The following CSF2RA variants were observed in gnomAD, a reference collection of about 807,000 sequenced individuals.
CSF2RA encodes granulocyte-macrophage colony-stimulating factor receptor subunit alpha.
CSF2RA carries 42 observed loss-of-function variants against 51.6 expected under a neutral mutation model. The observed-to-expected ratio is 0.81, with a 90% CI of 0.64 to 1.05. The LOEUF (loss-of-function observed/expected upper bound fraction) is 1.05. CSF2RA is among the 50% of genes least tolerant of loss of function. The pLI is 0.00. For missense variants in CSF2RA, 530 were observed against 501.1 expected, an observed-to-expected ratio of 1.06 and a Z score of -0.55; for synonymous variants, 222 against 193.0, an observed-to-expected ratio of 1.15 and a Z score of -1.24.
chrX:1,269,543 A>G (rs1445464814), intron 1 of CSF2RA, among the ~76,000 whole-genome samples: 1 of 151,938 alleles, frequency 6.6e-6, no homozygotes, highest in East Asian at 1.9e-4. Flanking sequence ...GAATCGTTTG[A>G]ACCCGGGAGG....
At chrX:1,273,737 C>T (rs1198728120) in intron 1 of CSF2RA, among the ~76,000 whole-genome samples, 21 of 144,078 alleles carry the variant, frequency 1.5e-4, no homozygotes, top group African/African-American at 4.6e-4. Flanking sequence ...CCCGCCACCA[C>T]GCCCAGCTAA....
intron 7 of CSF2RA, among the ~76,000 whole-genome samples, chrX:1,293,470 C>T (rs1443685528): frequency 1.3e-5 from 2 of 151,948 alleles, no homozygotes; most frequent in East Asian, 1.9e-4. Context: ...CCTCCCGCCT[C>T]GGCCTCCCAA....
chrX:1,288,415 G>A lies in CSF2RA; in HGVS notation c.220-104G>A. ...GAGAATTGCTTGAACCTGGAAGGCG[G>A]AGGTTGTAGTGAGCCGAGATCACGC... On this transcript the variant is annotated intron_variant, in intron 4 of 12. Coordinates refer to ENST00000381529, the MANE Select transcript of CSF2RA (RefSeq NM_172245.4). The A allele has an allele frequency of 4.7e-6, 6 of 1,274,208 alleles. 1 individual carries two copies. The highest frequency in any genetic ancestry group is 6.9e-6 in the Non-Finnish European group (6 of 871,728). The allele number at this position is 1,274,208 out of a possible 1,614,324, so 78.9% of individuals were successfully genotyped here. A position where few individuals can be genotyped will look rare whatever the true frequency, so the allele number is the denominator to read the frequency against.
chrX:1,278,676 A>T (rs1400762849), intron 2 of CSF2RA, among the ~76,000 whole-genome samples: 1 of 141,080 alleles, frequency 7.1e-6, no homozygotes, highest in East Asian at 2.1e-4. Flanking sequence ...ACAGAATGAG[A>T]CTCAGTCTAA....
At chrX:1,317,806 T>G in the CSF2RA span, among the ~76,000 whole-genome samples, 1 of 151,724 alleles carries the variant, frequency 6.6e-6, no homozygotes, top group East Asian at 1.9e-4. Context: ...AAAAGAGGAA[T>G]TCTATTGAGG....
chrX:1,287,437 C>A lies in CSF2RA; in HGVS notation c.220-1082C>A, dbSNP rs770167744. Among the ~76,000 whole-genome samples, 359 of 150,178 alleles carry A rather than the reference C, an allele frequency of 2.4e-3. 2 individuals are homozygous for A. The highest frequency in any genetic ancestry group is 4.5e-3 in the Non-Finnish European group (307 of 67,626). On this transcript the variant is annotated intron_variant, in intron 4 of 12. Transcript: ENST00000381529. The stretch of plus-strand genomic sequence containing the variant: ...AAAGTGCTGGCATTACAGGTGTGAG[C>A]CACCGTGTCCGACCTTTATTTTTTG...
chrX:1,323,110 C>G, the CSF2RA span, among the ~76,000 whole-genome samples: 1 of 128,604 alleles, frequency 7.8e-6, no homozygotes, highest in Non-Finnish European at 1.7e-5. Context: ...GCCTGAGCGA[C>G]AGAGCGAGAT....
At chrX:1,288,915 T>C (rs774950238) in intron 6 of CSF2RA, 27 bp downstream of exon 6, 1 of 1,613,510 alleles carries the variant, frequency 6.2e-7, no homozygotes, top group Non-Finnish European at 8.5e-7. Context: ...TGTGAAGAAT[T>C]ATGAGGAATG....
chrX:1,313,981 A>G (rs1486841307), downstream of CSF2RA, among the ~76,000 whole-genome samples: 1 of 152,098 alleles, frequency 6.6e-6, no homozygotes, highest in African/African-American at 2.4e-5. Context: ...ACAGGGCGAG[A>G]TTCTGTCTCA....
intron 7 of CSF2RA, among the ~76,000 whole-genome samples, chrX:1,292,829 C>T (rs757507014): frequency 3.3e-4 from 50 of 152,192 alleles, no homozygotes; most frequent in Non-Finnish European, 6.2e-4. Context: ...ACTTCCTCCT[C>T]GGCACAGACC....
At chrX:1,279,715 C>G (rs1477712719) in intron 2 of CSF2RA, among the ~76,000 whole-genome samples, 1 of 151,958 alleles carries the variant, frequency 6.6e-6, no homozygotes, top group Non-Finnish European at 1.5e-5. Context: ...GGCCTACATG[C>G]TTTTACTTCC....
chrX:1,282,617 C>G, intron 2 of CSF2RA, 61 bp from the exon 3 acceptor site: 1 of 1,238,522 alleles, frequency 8.1e-7, no homozygotes, highest in South Asian at 1.2e-5. Context: ...CCTGGGGTCC[C>G]CTGCCAGGAA....
chrX:1,313,760 G>C (rs1368134157), downstream of CSF2RA, among the ~76,000 whole-genome samples: 42 of 151,646 alleles, frequency 2.8e-4, no homozygotes, highest in African/African-American at 9.9e-4. Context: ...AGGCCGAGGT[G>C]GGCAGATCAC....
intron 9 of CSF2RA, among the ~76,000 whole-genome samples, chrX:1,295,788 G>C (rs776377388): frequency 6.7e-6 from 1 of 149,922 alleles, no homozygotes; most frequent in African/African-American, 2.5e-5. Flanking sequence ...CAACCACCTG[G>C]ACCCCGTGTA....
Position 1,290,523 on chromosome X carries a change from A to G in CSF2RA, c.646+14A>G. 6.2e-7 allele frequency: 1 copy of G among 1,611,812 alleles called. No individual in the cohort carries two copies. The highest frequency in any genetic ancestry group is 1.1e-5 in the South Asian group (1 of 91,026). On this transcript the variant is annotated intron_variant, in intron 7 of 12. Coordinates refer to ENST00000381529, the MANE Select transcript of CSF2RA (RefSeq NM_172245.4). ...CAAAGAAAATAGGTGAGAATAACAC[A>G]TATGATTTTCCTATTGTTTATAGGT...
intron 7 of CSF2RA, among the ~76,000 whole-genome samples, chrX:1,293,305 G>T (rs1289255764): frequency 6.6e-6 from 1 of 152,032 alleles, no homozygotes; most frequent in African/African-American, 2.4e-5. Context: ...TGCAACCTCC[G>T]CCTCCCGGGT....
intron 6 of CSF2RA, among the ~76,000 whole-genome samples, chrX:1,289,776 T>C: frequency 6.6e-6 from 1 of 151,078 alleles, no homozygotes; most frequent in Non-Finnish European, 1.5e-5. Context: ...TTTTTGTGTT[T>C]TTGTTTCATT....
At chrX:1,303,321 C>T (rs1156597575) in intron 10 of CSF2RA, 2 of 430,382 alleles carry the variant, frequency 4.6e-6, no homozygotes, top group Non-Finnish European at 8.2e-6. Flanking sequence ...CTGCAACCTC[C>T]GTCTCCCAGG....
downstream of CSF2RA, among the ~76,000 whole-genome samples, chrX:1,311,121 C>T (rs112417062): frequency 0.13 from 19,642 of 151,484 alleles, 1,812 homozygotes; most frequent in East Asian, 0.47. Flanking sequence ...TGGTGGCGGC[C>T]ACCTGTAGTC....
Sources: gnomAD v4.1 joint callset for allele counts (sites outside exome capture counted in the v4.1 genomes callset) on GRCh38, gnomAD v4.1.1 for gene constraint, MANE v1.5 for transcripts, NCBI Gene and HGNC (gene_info 2026-07-23, HGNC 2026-07-21) for gene names.